NIPAL2: variants seen among roughly 807,000 people sequenced by gnomAD.
NIPAL2 encodes the protein NIPA-like protein 2.
Under a neutral mutation model 48.9 loss-of-function variants are expected in NIPAL2, and 43 were observed. That is an observed-to-expected ratio of 0.88 (90% CI 0.69 to 1.13). The LOEUF is 1.13. Among genes scored for constraint, NIPAL2 ranks in the 50% most tolerant of loss-of-function variants. NIPAL2 has a pLI of 0.00. For missense variants in NIPAL2, 446 were observed against 461.4 expected (o/e 0.97, Z 0.31); for synonymous variants, 167 against 174.6 (o/e 0.96, Z 0.34).
In NIPAL2 at chr8:98,193,026, A is replaced by G; in HGVS notation, c.1104T>C (p.Asp368=). 6.2e-7 allele frequency: 1 copy of G among 1,614,130 alleles called. No homozygotes were observed. Among genetic ancestry groups the G allele is most frequent in the Non-Finnish European group, 8.5e-7 (1 of 1,180,002 alleles). ...TTTGGCTCTTTGTTGAGTCACTTCC[A>G]TCAGGCAAAGTTCCATAGGATAAGC... ...SHSLSYGTLP[D]GSDSTKSQSG... The change falls in exon 11 of 11, where the codon GAT becomes GAC. Residue 368 remains aspartate (D), a synonymous_variant. Transcript: ENST00000430223.
chr8:98,217,018 G>A lies in NIPAL2; in HGVS notation c.559-4517C>T, dbSNP rs865892432. On this transcript the variant is annotated intron_variant, in intron 5 of 10. Coordinates refer to ENST00000430223, the MANE Select transcript of NIPAL2 (RefSeq NM_001321635.2). Reference sequence around the variant, plus strand: ...ATGATGAATTTCTCAGACAGGCCATGTTATGCAGAATCTTTCTCACCTAGT... The same window carrying A: ...ATGATGAATTTCTCAGACAGGCCATATTATGCAGAATCTTTCTCACCTAGT... The A allele has an allele frequency of 3.1e-6, 3 of 971,320 alleles. No homozygotes were observed. The South Asian group carries it at 1.4e-4, about 46-fold the overall frequency. 60.2% of individuals were successfully genotyped at this position (971,320 alleles called of 1,614,324 possible).
At chr8:98,219,888 A>G (rs988399329) in intron 5 of NIPAL2, among the ~76,000 whole-genome samples, 2 of 152,144 alleles carry the variant, frequency 1.3e-5, no homozygotes, top group Non-Finnish European at 2.9e-5. Context: ...CCTTTGACCC[A>G]CAGCCCCATC....
intron 5 of NIPAL2, among the ~76,000 whole-genome samples, chr8:98,216,847 G>A (rs1450620523): frequency 6.6e-6 from 1 of 152,198 alleles, no homozygotes; most frequent in African/African-American, 2.4e-5. Flanking sequence ...GGTTTTTGCA[G>A]AACACGTTTG....
intron 3 of NIPAL2, among the ~76,000 whole-genome samples, chr8:98,239,461 T>G (rs1378772051): frequency 1.3e-5 from 2 of 152,220 alleles, no homozygotes; most frequent in Non-Finnish European, 2.9e-5. Flanking sequence ...GAAAATGTTA[T>G]ATGGGAAATA....
chr8:98,217,157 C>T, intron 5 of NIPAL2: 1 of 985,470 alleles, frequency 1.0e-6, no homozygotes. Flanking sequence ...TCTTCTCTGG[C>T]TGGTATACAC....
At chr8:98,264,332 G>A (rs1563537865) in intron 1 of NIPAL2, among the ~76,000 whole-genome samples, 1 of 130,428 alleles carries the variant, frequency 7.7e-6, no homozygotes, top group Non-Finnish European at 1.6e-5. Context: ...AAAAGAGGAA[G>A]TCAAATTGTC....
intron 4 of NIPAL2, 71 bp downstream of exon 4, chr8:98,236,084 T>G: frequency 1.8e-6 from 2 of 1,114,816 alleles, no homozygotes; most frequent in South Asian, 2.7e-5. Context: ...TCGCACATAT[T>G]TTTTATGGAT....
At position 98,192,317 on chromosome 8, in the gene NIPAL2, T is replaced by G. The variant is rs963166959; in HGVS notation, c.*661A>C. 6 of 152,290 alleles carry G rather than the reference T, an allele frequency of 3.9e-5. No individual in the cohort carries two copies. Among genetic ancestry groups the G allele is most frequent in the Non-Finnish European group, 8.8e-5 (6 of 68,108 alleles). 9.4% of individuals were successfully genotyped at this position (152,290 alleles called of 1,614,324 possible). A position where few individuals can be genotyped will look rare whatever the true frequency, so the allele number is the denominator to read the frequency against. ...GCTACTGAAACAAGCAGAGTCCTAC[T>G]TCTTAAACTTCCTCTTCCTTACACG... On this transcript the variant is annotated 3_prime_UTR_variant, in exon 11 of 11. Coordinates refer to ENST00000430223, the MANE Select transcript of NIPAL2 (RefSeq NM_001321635.2).
At chr8:98,229,983 G>A (rs1812359817) in intron 4 of NIPAL2, among the ~76,000 whole-genome samples, 1 of 152,120 alleles carries the variant, frequency 6.6e-6, no homozygotes, top group Non-Finnish European at 1.5e-5. Context: ...CTCTTAAATT[G>A]TTACCATCTA....
chr8:98,232,687 GAAAA>G (rs1366741977), intron 4 of NIPAL2, among the ~76,000 whole-genome samples: 2 of 151,840 alleles, frequency 1.3e-5, no homozygotes, highest in Non-Finnish European at 2.9e-5. Context: ...TCTTAAAAAA[GAAAA>G]AAGAGAAAGG....
chr8:98,236,033 T>A, intron 4 of NIPAL2, 122 bp downstream of exon 4: 1 of 663,010 alleles, frequency 1.5e-6, no homozygotes, highest in Non-Finnish European at 2.6e-6. Flanking sequence ...TGACTCTAAA[T>A]GAGACTTACA....
chr8:98,220,778 C>A (rs1249026314), intron 5 of NIPAL2, among the ~76,000 whole-genome samples: 1 of 151,934 alleles, frequency 6.6e-6, no homozygotes, highest in African/African-American at 2.4e-5. Flanking sequence ...CTAGACTATC[C>A]CAGTTTTCTT....
At chr8:98,203,008 C>G in intron 8 of NIPAL2, 100 bp downstream of exon 8, 1 of 921,800 alleles carries the variant, frequency 1.1e-6, no homozygotes, top group Non-Finnish European at 1.7e-6. Context: ...GGAGGCAACA[C>G]AGATCCTTAC....
intron 1 of NIPAL2, among the ~76,000 whole-genome samples, chr8:98,254,650 T>C (rs1437627670): frequency 6.6e-6 from 1 of 152,194 alleles, no homozygotes; most frequent in Non-Finnish European, 1.5e-5. Flanking sequence ...TTCCTACTAC[T>C]CCCCTGGTCA....
At chr8:98,280,761 T>TATATAGAGAGAGAGAGAGAGAG in intron 1 of NIPAL2, among the ~76,000 whole-genome samples, 16 of 30,026 alleles carry the variant, frequency 5.3e-4, no homozygotes, top group Non-Finnish European at 8.8e-4. Context: ...TATATATATA[T>TATATAGAGAGAGAGAGAGAGAG]AGAGAGAGAG....
chr8:98,228,653 T>C (rs1812293061), intron 4 of NIPAL2, among the ~76,000 whole-genome samples: 1 of 152,138 alleles, frequency 6.6e-6, no homozygotes, highest in African/African-American at 2.4e-5. Flanking sequence ...AGACCCTGGA[T>C]AGATCCATCT....
chr8:98,252,256 G>A, intron 3 of NIPAL2: 1 of 510,298 alleles, frequency 2.0e-6, no homozygotes, highest in South Asian at 3.9e-5. Context: ...ATAGGTGTTA[G>A]AGTCACAAAA....
At chr8:98,227,258 C>T (rs1408979874) in intron 4 of NIPAL2, among the ~76,000 whole-genome samples, 1 of 152,148 alleles carries the variant, frequency 6.6e-6, no homozygotes, top group African/African-American at 2.4e-5. Context: ...TGTGGCCAAG[C>T]TGGTACCTAA....
chr8:98,284,413 C>G (rs1235039243), intron 1 of NIPAL2, among the ~76,000 whole-genome samples: 1 of 98,938 alleles, frequency 1.0e-5, no homozygotes, highest in Non-Finnish European at 2.0e-5. Flanking sequence ...CTCTCTCTCT[C>G]TCTCTCACAC....
Sources: allele counts gnomAD v4.1 joint callset (sites outside exome capture counted in the v4.1 genomes callset), GRCh38; gene constraint gnomAD v4.1.1; transcripts MANE v1.5; gene names NCBI Gene and HGNC (gene_info 2026-07-23, HGNC 2026-07-21).